The following ANKRD36C variants were observed in gnomAD, a reference collection of about 807,000 sequenced individuals.
ANKRD36C encodes ankyrin repeat domain 36C, also known as ankyrin repeat domain-containing protein 36C.
Under a neutral mutation model 276.4 loss-of-function variants are expected in ANKRD36C, and 61 were observed. That is an observed-to-expected ratio of 0.22 (90% CI 0.18 to 0.27). ANKRD36C has a LOEUF of 0.27. Among genes scored for constraint, ANKRD36C ranks in the 10% least tolerant of loss-of-function variants. The pLI is 1.00. For synonymous variants in ANKRD36C, 483 were observed against 680.1 expected (o/e 0.71, Z 4.51); for missense variants, 1,447 against 2,032.3 (o/e 0.71, Z 5.54).
exon 63 of ANKRD36C, chr2:95,856,103 C>T: frequency 2.5e-6 from 4 of 1,606,578 alleles, no homozygotes; most frequent in Non-Finnish European, 2.5e-6. Flanking sequence ...TGTCTTTTTC[C>T]AGCCTGAGCC....
rs1573794221 is a variant in ANKRD36C, at chr2:95,948,448, A to G, written c.1362+82T>C. ...ACTAACATAAAACAATGATAGGTAG[A>G]CAATTGCTAAGTTTTAGAAGAAAAT... On this transcript the variant is annotated intron_variant, in intron 17 of 66. Coordinates refer to ENST00000456556, the Ensembl canonical transcript of ANKRD36C. 2.9e-6 allele frequency: 4 copies of G among 1,384,268 alleles called. No individual in the cohort carries two copies. In the East Asian group the frequency reaches 1.0e-4, roughly 35 times the overall value. 85.7% of individuals were successfully genotyped at this position (1,384,268 alleles called of 1,614,324 possible).
chr2:95,876,910 C>T (rs1259455838), intron 58 of ANKRD36C, among the ~76,000 whole-genome samples: 5 of 140,160 alleles, frequency 3.6e-5, no homozygotes, highest in Non-Finnish European at 6.2e-5. Context: ...AGTGTTTCAA[C>T]GAAGCTTAAT....
At chr2:95,977,242 A>G (rs1678829527) in intron 6 of ANKRD36C, among the ~76,000 whole-genome samples, 1 of 151,936 alleles carries the variant, frequency 6.6e-6, no homozygotes, top group African/African-American at 2.4e-5. Flanking sequence ...CTCTCTCCCC[A>G]CTAATGTTTT....
intron 66 of ANKRD36C, 131 bp downstream of exon 86, chr2:95,851,563 A>G (rs1675292051): frequency 1.3e-6 from 1 of 795,778 alleles, no homozygotes; most frequent in African/African-American, 1.7e-5. Flanking sequence ...CATTAGGTAT[A>G]TGCAAATATT....
rs566344030 is a variant in ANKRD36C at position 95,896,023 on chromosome 2, A to C, written c.2755+3122T>G. 1.0e-4 allele frequency among the ~76,000 whole-genome samples: 15 copies of C among 147,012 alleles called. No individual in the cohort carries two copies. In the East Asian group the frequency reaches 3.2e-3, roughly 31 times the overall value. Reference sequence around the variant, plus strand: ...ACTAAAAACATTCATCATGCTCTTTAACTTGCCCAATAACTGAGAAGGCAC... The same window carrying C: ...ACTAAAAACATTCATCATGCTCTTTCACTTGCCCAATAACTGAGAAGGCAC... On this transcript the variant is annotated intron_variant, in intron 44 of 66. Transcript: ENST00000456556.
chr2:95,903,168 G>A, intron 42 of ANKRD36C, 87 bp from the exon 53 acceptor site: 5 of 1,520,390 alleles, frequency 3.3e-6, no homozygotes, highest in Non-Finnish European at 4.4e-6. Context: ...ATCAACCTCT[G>A]TCCTCCTGCC....
intron 42 of ANKRD36C, among the ~76,000 whole-genome samples, chr2:95,908,998 T>A (rs1558635026): frequency 6.6e-6 from 1 of 151,112 alleles, no homozygotes; most frequent in African/African-American, 2.4e-5. Context: ...CAAAGTGATC[T>A]AAAATCAGAG....
At chr2:95,991,516 C>T in exon 1 of ANKRD36C, 8 of 1,598,110 alleles carry the variant, frequency 5.0e-6, no homozygotes, top group Non-Finnish European at 6.8e-6. Context: ...CATTACCTTT[C>T]CTTCCTGTCT....
chr2:95,880,702 C>G (rs1008885813), intron 56 of ANKRD36C, 79 bp from the exon 77 acceptor site: 1 of 1,480,594 alleles, frequency 6.8e-7, no homozygotes, highest in Non-Finnish European at 9.2e-7. Context: ...GTGTTAACAT[C>G]AAACTGAATA....
chr2:95,928,710 C>T (rs1313762179), intron 26 of ANKRD36C, among the ~76,000 whole-genome samples: 1 of 151,406 alleles, frequency 6.6e-6, no homozygotes, highest in African/African-American at 2.4e-5. Flanking sequence ...CTGTTTATAA[C>T]AATATGATAT....
chr2:95,988,986 G>A (rs923400921), intron 1 of ANKRD36C, among the ~76,000 whole-genome samples: 6 of 152,126 alleles, frequency 3.9e-5, no homozygotes, highest in African/African-American at 1.4e-4. Flanking sequence ...TGGCCAACAT[G>A]GTGAAACCCC....
chr2:95,908,232 A>G (rs1676801769), intron 42 of ANKRD36C, among the ~76,000 whole-genome samples: 1 of 149,394 alleles, frequency 6.7e-6, no homozygotes. Flanking sequence ...AAGCAAAATT[A>G]TGTTGTTCCC....
At chr2:95,963,964 T>TATATAA (rs1678519802) in intron 6 of ANKRD36C, among the ~76,000 whole-genome samples, 1 of 55,744 alleles carries the variant, frequency 1.8e-5, no homozygotes, top group African/African-American at 7.1e-5. Context: ...TATAAATATA[T>TATATAA]ATATATAAAT....
In ANKRD36C at chr2:95,887,775, G is replaced by A. The variant is rs1461899359; in HGVS notation, c.3061+150C>T. 27 of 982,080 alleles carry A rather than the reference G, an allele frequency of 2.7e-5. No individual in the cohort carries two copies. In the East Asian group the frequency reaches 4.5e-4, roughly 16 times the overall value. 60.8% of individuals were successfully genotyped at this position (982,080 alleles called of 1,614,324 possible). A position where few individuals can be genotyped will look rare whatever the true frequency, so the allele number is the denominator to read the frequency against. On this transcript the variant is annotated intron_variant, in intron 50 of 66. Coordinates refer to ENST00000456556, the Ensembl canonical transcript of ANKRD36C. The stretch of plus-strand genomic sequence containing the variant: ...CGTGTCCAAGACCAGCAGCATCAGC[G>A]TCACCCAAGAACTTATTAAAAATGA...
intron 19 of ANKRD36C, among the ~76,000 whole-genome samples, chr2:95,943,776 A>G (rs1483319492): frequency 6.6e-6 from 1 of 151,994 alleles, no homozygotes; most frequent in Non-Finnish European, 1.5e-5. Context: ...TTCACTAGAT[A>G]AAATATAAGA....
chr2:95,987,346 A>G, intron 1 of ANKRD36C, 140 bp from the exon 2 acceptor site: 2 of 1,364,466 alleles, frequency 1.5e-6, no homozygotes. Context: ...TTAATGAAAG[A>G]GCAGGCTATT....
intron 40 of ANKRD36C, 92 bp from the exon 43 acceptor site, chr2:95,912,527 C>T: frequency 6.3e-7 from 1 of 1,584,624 alleles, no homozygotes; most frequent in African/African-American, 1.3e-5. Flanking sequence ...CCTCTGACCT[C>T]CTGCCTGTAT....
At chr2:95,951,293 A>C in intron 15 of ANKRD36C, 55 bp downstream of exon 15, 1 of 1,392,366 alleles carries the variant, frequency 7.2e-7, no homozygotes, top group African/African-American at 1.5e-5. Flanking sequence ...AAAAAAAAAA[A>C]AAAACAAATG....
In ANKRD36C at chr2:95,883,015, C is replaced by T. The variant is rs373573623; in HGVS notation, c.3266-518G>A. On this transcript the variant is annotated intron_variant, in intron 54 of 66. Transcript: ENST00000456556. ...CTTCACAAGTCCTCAGTGGAAGTGT[C>T]GCAGCTTCATCAGCTTGGATATAGG... Among the ~76,000 whole-genome samples the T allele has an allele frequency of 1.1e-4, 17 of 152,202 alleles. No homozygotes were observed. The East Asian group carries it at 2.5e-3, about 23-fold the overall frequency.
Sources: allele counts gnomAD v4.1 joint callset (sites outside exome capture counted in the v4.1 genomes callset), GRCh38; gene constraint gnomAD v4.1.1; transcripts MANE v1.5; gene names NCBI Gene and HGNC (gene_info 2026-07-23, HGNC 2026-07-21).